The following HECW2 variants were observed in gnomAD, a reference collection of about 807,000 sequenced individuals.
HECW2 encodes the protein E3 ubiquitin-protein ligase HECW2.
In HECW2, 61 loss-of-function variants were observed where a neutral mutation model predicts 175.2. The ratio of observed to expected loss-of-function variants is 0.35; its 90% CI spans 0.28 to 0.43. The LOEUF is 0.43. HECW2 is among the 20% of genes least tolerant of loss of function. HECW2 has a pLI of 1.00. For missense variants in HECW2, 1,524 were observed against 2,000.5 expected, an observed-to-expected ratio of 0.76 and a Z score of 4.54; for synonymous variants, 671 against 731.0, an observed-to-expected ratio of 0.92 and a Z score of 1.32.
chr2:196,542,392 C>T (rs13399070), intron 1 of HECW2, among the ~76,000 whole-genome samples: 23,599 of 151,810 alleles, frequency 0.16, 3,390 homozygotes, highest in African/African-American at 0.38. Flanking sequence ...ACTGGAAAAC[C>T]GAATGACATG....
At chr2:196,572,660 C>T (rs1016289183) in intron 1 of HECW2, among the ~76,000 whole-genome samples, 1 of 152,172 alleles carries the variant, frequency 6.6e-6, no homozygotes, top group Admixed American at 6.5e-5. Flanking sequence ...AAACCCTACT[C>T]CCAATGTGAT....
intron 2 of HECW2, among the ~76,000 whole-genome samples, chr2:196,355,581 A>G (rs1238798148): frequency 2.0e-5 from 3 of 152,262 alleles, no homozygotes; most frequent in African/African-American, 7.2e-5. Flanking sequence ...GACAGTTGAA[A>G]AGAACATTTT....
chr2:196,275,103 C>T (rs973289693), intron 15 of HECW2, among the ~76,000 whole-genome samples: 3 of 152,138 alleles, frequency 2.0e-5, no homozygotes, highest in Non-Finnish European at 4.4e-5. Context: ...ATCCTCCCCA[C>T]CCTCCACCGC....
chr2:196,368,541 T>C (rs1693815653), intron 2 of HECW2, among the ~76,000 whole-genome samples: 1 of 152,218 alleles, frequency 6.6e-6, no homozygotes. Context: ...GGAGGTTTTC[T>C]GTTATTATCT....
intron 1 of HECW2, among the ~76,000 whole-genome samples, chr2:196,532,891 T>C (rs1245901492): frequency 2.6e-5 from 4 of 152,204 alleles, no homozygotes; most frequent in Non-Finnish European, 2.9e-5. Flanking sequence ...CGTGGCTCAG[T>C]GAACTCTTCT....
In HECW2 at chr2:196,217,096, A is replaced by G. The variant is rs755465454; in HGVS notation, c.4409-3T>C. The G allele has an allele frequency of 5.0e-6, 8 of 1,592,648 alleles. No homozygotes were observed. In the South Asian group the frequency reaches 9.0e-5, roughly 18 times the overall value. On this transcript the variant is annotated splice_region_variant and splice_polypyrimidine_tract_variant and intron_variant, in intron 26 of 28. Coordinates refer to ENST00000644978, the MANE Select transcript of HECW2 (RefSeq NM_001348768.2). Reference sequence around the variant, plus strand: ...TACAATATGATTGTCATGGTATCCTATCAAACCAATCATAAAAGCCCATGT... The same window carrying G: ...TACAATATGATTGTCATGGTATCCTGTCAAACCAATCATAAAAGCCCATGT...
intron 2 of HECW2, chr2:196,361,879 A>C (rs1315194584): frequency 5.1e-6 from 5 of 985,018 alleles, no homozygotes; most frequent in Non-Finnish European, 6.0e-6. Context: ...AAGAAGAAAC[A>C]TGGCATTCTT....
intron 2 of HECW2, among the ~76,000 whole-genome samples, chr2:196,379,558 G>A (rs887146508): frequency 6.6e-5 from 10 of 151,928 alleles, no homozygotes; most frequent in South Asian, 2.1e-4. Flanking sequence ...GGTGGCGGGC[G>A]CCTGTAGTCC....
chr2:196,395,879 G>T (rs1471575642), intron 2 of HECW2, among the ~76,000 whole-genome samples: 5 of 152,088 alleles, frequency 3.3e-5, no homozygotes, highest in African/African-American at 1.2e-4. Context: ...CTACTTCTGG[G>T]TATACACGTA....
intron 18 of HECW2, 106 bp downstream of exon 18, chr2:196,257,717 A>G (rs984898056): frequency 1.1e-5 from 9 of 791,128 alleles, no homozygotes; most frequent in Non-Finnish European, 1.9e-5. Flanking sequence ...CTAAAGAATA[A>G]GAACAATTTT....
rs1575541705 is a variant in HECW2, at chr2:196,437,475, G to A, written c.-35-4017C>T. Among the ~76,000 whole-genome samples, 5 of 152,016 alleles carry A rather than the reference G, an allele frequency of 3.3e-5. 1 individual carries two copies. Among genetic ancestry groups the A allele is most frequent in the Admixed American group, 3.3e-4 (5 of 15,262 alleles). On this transcript the variant is annotated intron_variant, in intron 1 of 28. Coordinates refer to ENST00000644978, the MANE Select transcript of HECW2 (RefSeq NM_001348768.2). ...AAAAATACAAAAATTAGCTGGGCAT[G>A]GTGGAACATGCCTGTAATCCCAGCT...
At position 196,553,445 on chromosome 2, in the gene HECW2, TA is replaced by T. The variant is rs201864297; in HGVS notation, c.-36+40062del. ...TAGACCCTGGGCACACAGTAGAGAA[TA>T]AAACAGATATGCATGCCACTGCTTA... On this transcript the variant is annotated intron_variant, in intron 1 of 28. Transcript: ENST00000644978. 5.0e-3 allele frequency among the ~76,000 whole-genome samples: 754 copies of T among 152,298 alleles called. 6 individuals carry two copies. The highest frequency in any genetic ancestry group is 0.014 in the Middle Eastern group (4 of 294).
intron 2 of HECW2, among the ~76,000 whole-genome samples, chr2:196,409,614 TGAAA>T (rs1283071717): frequency 1.3e-5 from 2 of 152,202 alleles, no homozygotes; most frequent in Admixed American, 1.3e-4. Context: ...TTTAGTTGCA[TGAAA>T]GAAAGTTTCA....
At chr2:196,560,013 C>T (rs895225715) in intron 1 of HECW2, among the ~76,000 whole-genome samples, 2 of 152,132 alleles carry the variant, frequency 1.3e-5, no homozygotes, top group African/African-American at 4.8e-5. Context: ...AAATGATTTC[C>T]AGAGCTTCTC....
chr2:196,323,534 C>A (rs181568245), intron 6 of HECW2, among the ~76,000 whole-genome samples: 1 of 152,138 alleles, frequency 6.6e-6, no homozygotes, highest in African/African-American at 2.4e-5. Context: ...CTAGTCATAA[C>A]AATTAAGGTT....
At chr2:196,262,023 A>C (rs1249048235) in intron 17 of HECW2, among the ~76,000 whole-genome samples, 1 of 137,708 alleles carries the variant, frequency 7.3e-6, no homozygotes, top group Admixed American at 7.4e-5. Context: ...TCAAGTTTAT[A>C]ATGTATACAG....
intron 18 of HECW2, among the ~76,000 whole-genome samples, chr2:196,254,323 T>A (rs575083220): frequency 2.6e-4 from 39 of 152,314 alleles, no homozygotes; most frequent in African/African-American, 8.4e-4. Flanking sequence ...ACCTGGGTTT[T>A]CAGATTTGGA....
rs1364864348 is a variant in HECW2, at chr2:196,344,880, T to C, written c.293-1116A>G. ...GGTCCCAAGCCCAAAGGAATAGTCC[T>C]GAGGAGAAAAACCTTTCTTCTTTTA... On this transcript the variant is annotated intron_variant, in intron 2 of 28. Coordinates refer to ENST00000644978, the MANE Select transcript of HECW2 (RefSeq NM_001348768.2). Among the ~76,000 whole-genome samples the C allele has an allele frequency of 2.0e-5, 3 of 152,280 alleles. No homozygotes were observed. The Middle Eastern group carries it at 0.01, about 518-fold the overall frequency.
At chr2:196,247,954 C>T (rs187039055) in intron 19 of HECW2, among the ~76,000 whole-genome samples, 80 of 152,288 alleles carry the variant, frequency 5.3e-4, no homozygotes, top group African/African-American at 1.8e-3. Context: ...ATCCCTATGA[C>T]ATTTAAAACA....
Sources: gnomAD v4.1 joint callset for allele counts (sites outside exome capture counted in the v4.1 genomes callset) on GRCh38, gnomAD v4.1.1 for gene constraint, MANE v1.5 for transcripts, NCBI Gene and HGNC (gene_info 2026-07-23, HGNC 2026-07-21) for gene names.